The following DIAPH2 variants were observed in gnomAD, a reference collection of about 807,000 sequenced individuals.
DIAPH2 encodes protein diaphanous homolog 2.
DIAPH2 carries 35 observed loss-of-function variants against 92.7 expected under a neutral mutation model. The ratio of observed to expected loss-of-function variants is 0.38; its 90% CI spans 0.29 to 0.50. The LOEUF is 0.50. DIAPH2 is among the 20% of genes least tolerant of loss of function. The pLI is 0.94. For synonymous variants in DIAPH2, 301 were observed against 280.4 expected (o/e 1.07, Z -0.73); for missense variants, 701 against 819.5 (o/e 0.86, Z 1.77).
At chrX:97,520,424 C>T (rs887733095) in intron 26 of DIAPH2, among the ~76,000 whole-genome samples, 3 of 112,309 alleles carry the variant, frequency 2.7e-5, no homozygotes, top group Non-Finnish European at 5.6e-5. Flanking sequence ...ACTTCTCCCA[C>T]ACAATAACAG....
chrX:97,463,360 A>G (rs779443471), intron 26 of DIAPH2, among the ~76,000 whole-genome samples: 5 of 107,170 alleles, frequency 4.7e-5, no homozygotes, highest in Non-Finnish European at 7.7e-5. Context: ...CCCTGATTCA[A>G]TCAGCTATTA....
chrX:97,269,372 T>C (rs904091792), intron 23 of DIAPH2, among the ~76,000 whole-genome samples: 1 of 111,966 alleles, frequency 8.9e-6, no homozygotes, highest in Non-Finnish European at 1.9e-5. Flanking sequence ...AGTGAAAAAT[T>C]AGGGTAAAAC....
At chrX:97,353,374 G>A (rs2069236639) in intron 24 of DIAPH2, among the ~76,000 whole-genome samples, 1 of 111,154 alleles carries the variant, frequency 9.0e-6, no homozygotes. Context: ...TGTTGGGAAA[G>A]TGTTCACGGC....
chrX:97,597,871 G>C (rs1230108035), intron 26 of DIAPH2, among the ~76,000 whole-genome samples: 4 of 111,538 alleles, frequency 3.6e-5, no homozygotes, highest in Non-Finnish European at 5.6e-5. Flanking sequence ...TCTCTGAGTA[G>C]AGAAAATGCC....
intron 26 of DIAPH2, among the ~76,000 whole-genome samples, chrX:97,586,523 A>T (rs957697861): frequency 1.8e-5 from 2 of 111,902 alleles, no homozygotes; most frequent in Non-Finnish European, 3.8e-5. Context: ...TTAAAATGAC[A>T]CATAAGCCCA....
At chrX:97,091,528 G>A (rs1213908881) in intron 19 of DIAPH2, among the ~76,000 whole-genome samples, 1 of 111,494 alleles carries the variant, frequency 9.0e-6, no homozygotes, top group African/African-American at 3.3e-5. Context: ...CCCTATCTCA[G>A]ACTCCCTAAT....
At chrX:97,329,535 T>C (rs921134174) in intron 23 of DIAPH2, among the ~76,000 whole-genome samples, 1 of 111,694 alleles carries the variant, frequency 9.0e-6, no homozygotes, top group Non-Finnish European at 1.9e-5. Context: ...GACACTGGTG[T>C]ATATAACCTG....
intron 4 of DIAPH2, among the ~76,000 whole-genome samples, chrX:96,780,376 G>A (rs919681721): frequency 2.7e-4 from 30 of 112,199 alleles, no homozygotes; most frequent in African/African-American, 9.1e-4. Context: ...TGTAAATTTA[G>A]TATACCCATT....
chrX:96,951,296 G>A (rs1011702189), intron 15 of DIAPH2, among the ~76,000 whole-genome samples: 41 of 111,688 alleles, frequency 3.7e-4, no homozygotes, highest in African/African-American at 1.3e-3. Flanking sequence ...AGCTCATTAA[G>A]ACATCTTTTG....
At chrX:97,157,893 A>T (rs763691445) in intron 22 of DIAPH2, among the ~76,000 whole-genome samples, 8 of 112,332 alleles carry the variant, frequency 7.1e-5, no homozygotes, top group Non-Finnish European at 1.5e-4. Context: ...GTTAGCGCAG[A>T]AAAGTATACG....
intron 23 of DIAPH2, among the ~76,000 whole-genome samples, chrX:97,322,096 A>T (rs2147655233): frequency 1.8e-5 from 2 of 112,871 alleles, no homozygotes; most frequent in East Asian, 5.5e-4. Flanking sequence ...ATTTAATTTT[A>T]ACTAAATTTT....
At chrX:97,140,024 T>A (rs1410734243) in intron 21 of DIAPH2, among the ~76,000 whole-genome samples, 5 of 105,712 alleles carry the variant, frequency 4.7e-5, no homozygotes, top group East Asian at 5.7e-4. Context: ...GTGTTCTTTT[T>A]TAAAAAAAAA....
At chrX:97,583,870 T>G in intron 26 of DIAPH2, among the ~76,000 whole-genome samples, 1 of 112,404 alleles carries the variant, frequency 8.9e-6, no homozygotes. Context: ...GGATATAATC[T>G]CGTGGTGCGC....
intron 25 of DIAPH2, among the ~76,000 whole-genome samples, chrX:97,417,714 G>A (rs988571128): frequency 1.8e-5 from 2 of 110,236 alleles, no homozygotes; most frequent in African/African-American, 3.3e-5. Context: ...GTTAAGTTCC[G>A]GCGTAAAAAA....
chrX:97,063,855 G>A (rs2066616654), intron 17 of DIAPH2, among the ~76,000 whole-genome samples: 2 of 112,214 alleles, frequency 1.8e-5, no homozygotes, highest in Admixed American at 1.9e-4. Flanking sequence ...ATGGTCTGCA[G>A]GCCAAATCTA....
chrX:96,803,212 A>G lies in DIAPH2; in HGVS notation c.447+44954A>G, dbSNP rs767003779. On this transcript the variant is annotated intron_variant, in intron 4 of 26. Transcript: ENST00000324765. ...CTGACACTCAATATTAACCATCATA[A>G]TGGTAGATTAATTTACACCCCTACC... 9.0e-5 allele frequency among the ~76,000 whole-genome samples: 10 copies of G among 111,483 alleles called. No homozygotes were observed. In the East Asian group the frequency reaches 1.7e-3, roughly 19 times the overall value.
At chrX:97,317,655 G>A (rs1168284061) in intron 23 of DIAPH2, among the ~76,000 whole-genome samples, 2 of 111,522 alleles carry the variant, frequency 1.8e-5, no homozygotes, top group South Asian at 3.8e-4. Flanking sequence ...GAAATTAATC[G>A]AATTGTGGAA....
chrX:96,918,825 T>A (rs1352509693), intron 9 of DIAPH2, among the ~76,000 whole-genome samples: 2 of 112,137 alleles, frequency 1.8e-5, no homozygotes, highest in Non-Finnish European at 3.8e-5. Flanking sequence ...TGGCTGTCAT[T>A]GATATTTAGA....
intron 22 of DIAPH2, among the ~76,000 whole-genome samples, chrX:97,180,165 T>A (rs1474939538): frequency 8.9e-6 from 1 of 112,416 alleles, no homozygotes; most frequent in Non-Finnish European, 1.9e-5. Context: ...TGAACTAATT[T>A]ACATTCCCAC....
Sources: gnomAD v4.1 joint callset for allele counts (sites outside exome capture counted in the v4.1 genomes callset) on GRCh38, gnomAD v4.1.1 for gene constraint, MANE v1.5 for transcripts, NCBI Gene and HGNC (gene_info 2026-07-23, HGNC 2026-07-21) for gene names.